Variants in UPK1B observed in about 807,000 individuals in gnomAD.
UPK1B encodes the protein uroplakin 1B, also known as uroplakin-1b.
A neutral mutation model predicts 34.2 loss-of-function variants in UPK1B; 28 were observed. The ratio of observed to expected loss-of-function variants is 0.82; its 90% CI spans 0.61 to 1.12. The LOEUF (loss-of-function observed/expected upper bound fraction) is 1.12. UPK1B is among the 50% of genes most tolerant of loss of function. The pLI, the probability that UPK1B is intolerant of heterozygous loss-of-function variation, is 0.00. For synonymous variants in UPK1B, 81 were observed against 110.4 expected, an observed-to-expected ratio of 0.73 and a Z score of 1.67; for missense variants, 325 against 320.9, an observed-to-expected ratio of 1.01 and a Z score of -0.10.
At chr3:119,201,853 C>G (rs1340515681) in intron 7 of UPK1B, among the ~76,000 whole-genome samples, 1 of 152,136 alleles carries the variant, frequency 6.6e-6, no homozygotes, top group Non-Finnish European at 1.5e-5. Context: ...CCCCCAGTGC[C>G]AAGCATAGCA....
chr3:119,199,844 T>C (rs1324454915), intron 7 of UPK1B, among the ~76,000 whole-genome samples: 1 of 152,188 alleles, frequency 6.6e-6, no homozygotes, highest in African/African-American at 2.4e-5. Context: ...TCAAAAATTA[T>C]TGAGGACTCC....
chr3:119,199,123 G>A lies in UPK1B; in HGVS notation c.715G>A (p.Ala239Thr). The change falls in exon 7 of 8, where the codon GCC (alanine) becomes ACC (threonine). Residue 239 changes from alanine to threonine, a missense_variant. Ala to Thr is a moderately conservative substitution (Grantham distance 58). Transcript: ENST00000264234. Reference protein sequence around the residue: ...HAWGVAWFGFAILCWTFWVLL... With the variant: ...HAWGVAWFGFTILCWTFWVLL... ...CTGGGGGGTTGCCTGGTTTGGATTT[G>A]CCATTCTCTGCTGGACTGTGAGTAT... 3 of 1,614,120 alleles carry A rather than the reference G, an allele frequency of 1.9e-6. No individual in the cohort carries two copies. Among genetic ancestry groups the A allele is most frequent in the Non-Finnish European group, 2.5e-6 (3 of 1,180,022 alleles).
chr3:119,188,007 CCT>C (rs2078027241), intron 3 of UPK1B, 32 bp downstream of exon 3: 2 of 1,608,226 alleles, frequency 1.2e-6, no homozygotes, highest in Admixed American at 3.3e-5. Context: ...GAGTTGTCTC[CCT>C]GAGCCAATTG....
At chr3:119,185,324 A>G (rs2078012953) in intron 1 of UPK1B, among the ~76,000 whole-genome samples, 1 of 152,210 alleles carries the variant, frequency 6.6e-6, no homozygotes. Flanking sequence ...AAAATTTAGC[A>G]AGGCTTGAGA....
Position 119,192,523 on chromosome 3 carries a change from C to G in UPK1B, c.468+1419C>G, listed in dbSNP as rs116849973. ...ATTTTCCCAGAAAATTCACTTGTCA[C>G]TATTTCACATGTTCTTCCTTCATGC... On this transcript the variant is annotated intron_variant, in intron 5 of 7. Transcript: ENST00000264234. Among the ~76,000 whole-genome samples the G allele has an allele frequency of 6.0e-3, 911 of 152,308 alleles. 41 individuals are homozygous for G. The South Asian group carries it at 0.1, about 17-fold the overall frequency.
chr3:119,196,431 GATTTGAT>G (rs1203250114), intron 6 of UPK1B, among the ~76,000 whole-genome samples: 1 of 152,018 alleles, frequency 6.6e-6, no homozygotes, highest in Non-Finnish European at 1.5e-5. Context: ...TGATTCTACA[GATTTGAT>G]ATTTTTAGTA....
chr3:119,193,476 T>G lies in UPK1B; in HGVS notation c.469-743T>G, dbSNP rs1188966894. ...AACAAAGAAGGAAAGCTATATGAATTGTGTTTTGTCCTCTATTCTCAATTC... is the reference window on the plus strand; with the variant it reads ...AACAAAGAAGGAAAGCTATATGAATGGTGTTTTGTCCTCTATTCTCAATTC... On this transcript the variant is annotated intron_variant, in intron 5 of 7. Transcript: ENST00000264234. Among the ~76,000 whole-genome samples, 3 of 152,206 alleles carry G rather than the reference T, an allele frequency of 2.0e-5. No individual in the cohort carries two copies. The East Asian group carries it at 5.8e-4, about 29-fold the overall frequency.
At chr3:119,183,797 A>G (rs1483478896) in intron 1 of UPK1B, among the ~76,000 whole-genome samples, 1 of 152,236 alleles carries the variant, frequency 6.6e-6, no homozygotes, top group Non-Finnish European at 1.5e-5. Flanking sequence ...ATGAATATCA[A>G]ATGCCTAACA....
intron 1 of UPK1B, among the ~76,000 whole-genome samples, chr3:119,175,402 G>C (rs1404381170): frequency 2.0e-5 from 3 of 152,096 alleles, no homozygotes; most frequent in Admixed American, 2.0e-4. Flanking sequence ...CTTTAAATAT[G>C]CTCTGGAATT....
chr3:119,199,014 T>C, intron 6 of UPK1B, 43 bp from the exon 7 acceptor site: 1 of 1,608,256 alleles, frequency 6.2e-7, no homozygotes, highest in Non-Finnish European at 8.5e-7. Flanking sequence ...TTCTCTGCTT[T>C]CTGGTTCTTC....
At chr3:119,179,634 C>A (rs1454182519) in intron 1 of UPK1B, among the ~76,000 whole-genome samples, 1 of 146,772 alleles carries the variant, frequency 6.8e-6, no homozygotes, top group African/African-American at 2.5e-5. Flanking sequence ...CTCAGCCTCC[C>A]AAGTGGCTGG....
intron 1 of UPK1B, among the ~76,000 whole-genome samples, chr3:119,174,233 C>T (rs2077942266): frequency 1.3e-5 from 2 of 152,198 alleles, no homozygotes; most frequent in African/African-American, 2.4e-5. Flanking sequence ...AGTAAGTCAA[C>T]AAAGTAGCTT....
intron 1 of UPK1B, among the ~76,000 whole-genome samples, chr3:119,179,492 A>T (rs1371484000): frequency 8.2e-6 from 1 of 121,216 alleles, no homozygotes; most frequent in Non-Finnish European, 1.7e-5. Flanking sequence ...TTTGGGGAAG[A>T]GTTGATGTTG....
intron 1 of UPK1B, among the ~76,000 whole-genome samples, chr3:119,176,753 C>T (rs1419385433): frequency 6.6e-6 from 1 of 152,182 alleles, no homozygotes; most frequent in Non-Finnish European, 1.5e-5. Context: ...TCCTTCCCAC[C>T]CCTGCCAGAT....
Position 119,203,952 on chromosome 3 carries a change from C to A in UPK1B, c.768C>A (p.Ser256Arg). The change falls in exon 8 of 8, where the codon AGC (serine) becomes AGA (arginine). Residue 256 changes from serine to arginine, a missense_variant. Ser to Arg is a moderately radical substitution (Grantham distance 110). Transcript: ENST00000264234. ...WVLLGTMFYW[S>R]RIEY is the part of the protein sequence containing the mutation. ...TCCTGGGTACCATGTTCTACTGGAGCAGAATTGAATATTAAGCATAAAGTG... is the reference window on the plus strand; with the variant it reads ...TCCTGGGTACCATGTTCTACTGGAGAAGAATTGAATATTAAGCATAAAGTG... 2 of 1,614,008 alleles carry A rather than the reference C, an allele frequency of 1.2e-6. No homozygotes were observed. The highest frequency in any genetic ancestry group is 2.2e-5 in the South Asian group (2 of 91,082).
intron 7 of UPK1B, among the ~76,000 whole-genome samples, chr3:119,203,139 G>A (rs1363719786): frequency 1.3e-5 from 2 of 151,906 alleles, no homozygotes; most frequent in Non-Finnish European, 1.5e-5. Context: ...TCAGGAGATC[G>A]AGACCATCCT....
chr3:119,189,122 G>T (rs1413936269), intron 3 of UPK1B, among the ~76,000 whole-genome samples: 1 of 152,214 alleles, frequency 6.6e-6, no homozygotes, highest in African/African-American at 2.4e-5. Context: ...GGGAGGCAAA[G>T]GGGCTAAAGG....
rs184666032 is a variant in UPK1B at position 119,201,861 on chromosome 3, G to T, written c.733-2056G>T. On this transcript the variant is annotated intron_variant, in intron 7 of 7. Coordinates refer to ENST00000264234, the MANE Select transcript of UPK1B (RefSeq NM_006952.4). ...CTTTGTACCCCCAGTGCCAAGCATA[G>T]CATGTAGTAAGGGCTCAAGCATTTG... 1.4e-3 allele frequency among the ~76,000 whole-genome samples: 220 copies of T among 152,304 alleles called. 1 individual carries two copies. The highest frequency in any genetic ancestry group is 4.9e-3 in the African/African-American group (204 of 41,566).
At position 119,179,386 on chromosome 3, in the gene UPK1B, T is replaced by G. The variant is rs371396100; in HGVS notation, c.-29+5748T>G. ...ATATATATATATATATATATATATA[T>G]ATATATATATATTAATTCTAAGGAA... On this transcript the variant is annotated intron_variant, in intron 1 of 7. Transcript: ENST00000264234. 6.5e-4 allele frequency among the ~76,000 whole-genome samples: 57 copies of G among 88,218 alleles called. 2 individuals are homozygous for G. The highest frequency in any genetic ancestry group is 2.1e-3 in the African/African-American group (43 of 20,850). 57.9% of individuals were successfully genotyped at this position (88,218 alleles called of 152,430 possible).
Sources: allele counts gnomAD v4.1 joint callset (sites outside exome capture counted in the v4.1 genomes callset), GRCh38; gene constraint gnomAD v4.1.1; transcripts MANE v1.5; gene names NCBI Gene and HGNC (gene_info 2026-07-23, HGNC 2026-07-21).